Variants in RHOH observed in about 807,000 individuals in gnomAD.
The protein encoded by RHOH is rho-related GTP-binding protein RhoH.
A neutral mutation model predicts 13.8 loss-of-function variants in RHOH; 6 were observed. The ratio of observed to expected loss-of-function variants is 0.44; its 90% CI spans 0.24 to 0.86. The LOEUF (loss-of-function observed/expected upper bound fraction) is 0.86, where lower values mean the gene tolerates loss of function less well. RHOH is among the 40% of genes least tolerant of loss of function. The pLI, the probability that RHOH is intolerant of heterozygous loss-of-function variation, is 0.24. For missense variants in RHOH, 147 were observed against 244.5 expected, an observed-to-expected ratio of 0.60 and a Z score of 2.66; for synonymous variants, 117 against 103.0, an observed-to-expected ratio of 1.14 and a Z score of -0.82.
chr4:40,223,761 TA>T (rs1398405739), intron 1 of RHOH, among the ~76,000 whole-genome samples: 1 of 144,096 alleles, frequency 6.9e-6, no homozygotes, highest in Non-Finnish European at 1.5e-5. Context: ...AGTGTAAACA[TA>T]ACTTGTTTTT....
chr4:40,219,033 C>G (rs1363142663), intron 1 of RHOH, among the ~76,000 whole-genome samples: 1 of 152,126 alleles, frequency 6.6e-6, no homozygotes, highest in Non-Finnish European at 1.5e-5. Flanking sequence ...ACTCAATCTA[C>G]TGATAAGGAA....
intron 1 of RHOH, among the ~76,000 whole-genome samples, chr4:40,236,888 G>A (rs1183375307): frequency 6.6e-6 from 1 of 152,086 alleles, no homozygotes; most frequent in East Asian, 1.9e-4. Flanking sequence ...GGTGAAATAC[G>A]GAACTAACCC....
chr4:40,233,451 A>G lies in RHOH; in HGVS notation c.-330-9263A>G, dbSNP rs529611473. Among the ~76,000 whole-genome samples the G allele has an allele frequency of 9.2e-5, 13 of 141,716 alleles. No individual in the cohort carries two copies. In the South Asian group the frequency reaches 2.6e-3, roughly 28 times the overall value. The allele number at this position is 141,716 out of a possible 152,430, so 93.0% of individuals were successfully genotyped here. A position where few individuals can be genotyped will look rare whatever the true frequency, so the allele number is the denominator to read the frequency against. ...AAGGAACCGAAGGTCAGAGACGTTA[A>G]GTAATTGCCCCAAGGTCACACATTT... On this transcript the variant is annotated intron_variant, in intron 1 of 2. Transcript: ENST00000381799.
upstream of RHOH, among the ~76,000 whole-genome samples, chr4:40,192,800 C>T (rs1288373117): frequency 6.6e-6 from 1 of 152,076 alleles, no homozygotes; most frequent in Non-Finnish European, 1.5e-5. Flanking sequence ...GGCTGCTCCT[C>T]GTTGCCCACG....
intron 1 of RHOH, among the ~76,000 whole-genome samples, chr4:40,222,262 A>T (rs1219047661): frequency 6.6e-6 from 1 of 152,248 alleles, no homozygotes; most frequent in Non-Finnish European, 1.5e-5. Context: ...AGTGTACAAT[A>T]GAATTTTCAA....
At chr4:40,234,568 G>A (rs1460149009) in intron 1 of RHOH, among the ~76,000 whole-genome samples, 4 of 152,002 alleles carry the variant, frequency 2.6e-5, no homozygotes, top group Non-Finnish European at 5.9e-5. Flanking sequence ...CAGGACACAC[G>A]GCTCAGAGAG....
At chr4:40,215,637 T>G (rs987678159) in intron 1 of RHOH, among the ~76,000 whole-genome samples, 1 of 152,206 alleles carries the variant, frequency 6.6e-6, no homozygotes, top group Non-Finnish European at 1.5e-5. Context: ...CTAAAATATA[T>G]GTATTGGGAA....
At chr4:40,210,626 C>A (rs1725159973) in intron 1 of RHOH, among the ~76,000 whole-genome samples, 1 of 141,844 alleles carries the variant, frequency 7.1e-6, no homozygotes, top group African/African-American at 2.5e-5. Flanking sequence ...TCCCTTAGAG[C>A]ATACATTCCT....
intron 1 of RHOH, among the ~76,000 whole-genome samples, chr4:40,220,197 T>A (rs1426253491): frequency 6.6e-6 from 1 of 152,106 alleles, no homozygotes; most frequent in African/African-American, 2.4e-5. Context: ...CACCAGCCGC[T>A]TCCTCTGCCT....
chr4:40,217,186 G>A (rs533126638), intron 1 of RHOH, among the ~76,000 whole-genome samples: 5 of 152,278 alleles, frequency 3.3e-5, no homozygotes, highest in East Asian at 1.9e-4. Context: ...CAGGAGGGTC[G>A]GGGTCTTGGA....
rs1391559187 is a variant in RHOH, at chr4:40,243,551, C to A, written c.165C>A (p.Gly55=). Reference sequence around the variant, plus strand: ...TGGATGGCATCCAGATCAGCCTGGGCCTCTGGGACACAGCCGGCAATGACG... The same window carrying A: ...TGGATGGCATCCAGATCAGCCTGGGACTCTGGGACACAGCCGGCAATGACG... ...VFMDGIQISL[G]LWDTAGNDAF... Residue 55 remains glycine (G), a synonymous_variant, in exon 3 of 3, where the codon GGC becomes GGA. Transcript: ENST00000381799. This position sits in a 1 kb window ranked among gnomAD's most constrained non-coding sequence, Gnocchi z 6.2. 3 of 1,614,132 alleles carry A rather than the reference C, an allele frequency of 1.9e-6. No homozygotes were observed. The highest frequency in any genetic ancestry group is 2.5e-6 in the Non-Finnish European group (3 of 1,180,020).
chr4:40,197,589 G>C (rs1723355278), intron 1 of RHOH, among the ~76,000 whole-genome samples: 1 of 152,316 alleles, frequency 6.6e-6, no homozygotes, highest in South Asian at 2.1e-4. Context: ...CTGTGGCTGA[G>C]CTCAACTGTA....
chr4:40,224,940 CACTTTG>C (rs1304279710), intron 1 of RHOH, among the ~76,000 whole-genome samples: 46 of 152,170 alleles, frequency 3.0e-4, no homozygotes, highest in Non-Finnish European at 2.6e-4. Context: ...GACAGGGTCT[CACTTTG>C]TCATCCAGGC....
chr4:40,245,040 A>C lies in RHOH; in HGVS notation c.*1078A>C, dbSNP rs1215001567. Reference sequence around the variant, plus strand: ...TTACAGCCTTCAAAAAAGAAAAATCAAATTCCAAGCACAGGAATAAGAAAG... The same window carrying C: ...TTACAGCCTTCAAAAAAGAAAAATCCAATTCCAAGCACAGGAATAAGAAAG... On this transcript the variant is annotated 3_prime_UTR_variant, in exon 3 of 3. Coordinates refer to ENST00000381799, the MANE Select transcript of RHOH (RefSeq NM_004310.5). The C allele has an allele frequency of 6.6e-6, 1 of 152,336 alleles. No individual in the cohort carries two copies. Among genetic ancestry groups the C allele is most frequent in the Non-Finnish European group, 1.5e-5 (1 of 68,124 alleles). 9.4% of individuals were successfully genotyped at this position (152,336 alleles called of 1,614,324 possible).
At chr4:40,198,957 C>G in intron 1 of RHOH, among the ~76,000 whole-genome samples, 1 of 151,902 alleles carries the variant, frequency 6.6e-6, no homozygotes, top group East Asian at 1.9e-4. Flanking sequence ...AATATCTGAA[C>G]CCATATAATA....
intron 1 of RHOH, among the ~76,000 whole-genome samples, chr4:40,213,913 C>T (rs1024510339): frequency 3.3e-5 from 5 of 152,012 alleles, no homozygotes; most frequent in Non-Finnish European, 7.4e-5. Context: ...TGTGCCACCA[C>T]GCCCGGCTAA....
intron 1 of RHOH, among the ~76,000 whole-genome samples, chr4:40,213,949 G>A (rs779024619): frequency 2.6e-5 from 4 of 152,050 alleles, no homozygotes; most frequent in Non-Finnish European, 5.9e-5. Flanking sequence ...TGGAGACAGG[G>A]TTTCACCATG....
intron 1 of RHOH, among the ~76,000 whole-genome samples, chr4:40,237,210 T>G (rs923533935): frequency 2.0e-5 from 3 of 152,174 alleles, no homozygotes; most frequent in Middle Eastern, 3.2e-3. Context: ...CCCGGCACTT[T>G]GGGAGGCCGA....
chr4:40,198,243 A>C (rs961960516), intron 1 of RHOH, among the ~76,000 whole-genome samples: 1 of 152,204 alleles, frequency 6.6e-6, no homozygotes, highest in Admixed American at 6.5e-5. Flanking sequence ...AAGTGTCGGT[A>C]GAAGGAGAAG....
Sources: gnomAD v4.1 joint callset for allele counts (sites outside exome capture counted in the v4.1 genomes callset) on GRCh38, gnomAD v4.1.1 for gene constraint, Gnocchi (gnomAD v3.1) non-coding constraint, MANE v1.5 for transcripts, NCBI Gene and HGNC (gene_info 2026-07-23, HGNC 2026-07-21) for gene names.